The following LRRC15 variants were observed in gnomAD, a reference collection of about 807,000 sequenced individuals.
LRRC15 encodes leucine rich repeat containing 15.
A neutral mutation model predicts 4.3 loss-of-function variants in LRRC15; 5 were observed. The ratio of observed to expected loss-of-function variants is 1.16; its 90% CI spans 0.61 to 2.44. The LOEUF (loss-of-function observed/expected upper bound fraction) is 2.44, where lower values mean the gene tolerates loss of function less well. Ranked by LOEUF, LRRC15 falls within the 30% of genes most tolerant of loss-of-function variation. The pLI, the probability that LRRC15 is intolerant of heterozygous loss-of-function variation, is 0.01. For missense variants in LRRC15, 769 were observed against 747.0 expected, an observed-to-expected ratio of 1.03 and a Z score of -0.34; for synonymous variants, 337 against 323.2, an observed-to-expected ratio of 1.04 and a Z score of -0.46.
Position 194,358,334 on chromosome 3 carries a change from A to C in LRRC15, c.*964T>G, listed in dbSNP as rs1419869501. On this transcript the variant is annotated 3_prime_UTR_variant, in exon 2 of 2. Transcript: ENST00000347624. ...AAAATCCACCAAGCCATACACTATC[A>C]TGTTCCCACTTTTCTGCACGTACAC... The C allele has an allele frequency of 6.6e-6, 1 of 152,236 alleles. No individual in the cohort carries two copies. The highest frequency in any genetic ancestry group is 1.5e-5 in the Non-Finnish European group (1 of 68,050). The allele number at this position is 152,236 out of a possible 1,614,324, so 9.4% of individuals were successfully genotyped here.
Position 194,360,197 on chromosome 3 carries a change from C to T in LRRC15, c.847G>A (p.Glu283Lys), listed in dbSNP as rs747465578. 16 of 1,613,710 alleles carry T rather than the reference C, an allele frequency of 9.9e-6. No individual in the cohort carries two copies. Among genetic ancestry groups the T allele is most frequent in the Non-Finnish European group, 1.4e-5 (16 of 1,179,764 alleles). Reference protein sequence around the residue: ...RLTLFGNSLKELSPGIFGPMP... With the variant: ...RLTLFGNSLKKLSPGIFGPMP... ...GGCCCGAAGATCCCCGGAGAGAGCTCCTTCAGGGAATTCCCAAAGAGAGTA... is the reference window on the plus strand; with the variant it reads ...GGCCCGAAGATCCCCGGAGAGAGCTTCTTCAGGGAATTCCCAAAGAGAGTA... The change falls in exon 2 of 2, where the codon GAG (glutamate) becomes AAG (lysine). Residue 283 changes from glutamate (E) to lysine (K), a missense_variant. Physicochemically the swap from Glu to Lys is moderately conservative, Grantham distance 56 (BLOSUM62 1). Transcript: ENST00000347624.
intron 1 of LRRC15, chr3:194,363,494 AC>A (rs72365597): frequency 0.013 from 6,607 of 521,640 alleles, 378 homozygotes; most frequent in African/African-American, 0.12. Context: ...AACAGAATAC[AC>A]CAAAAAAAGT....
At chr3:194,366,376 T>C (rs988389224) in intron 1 of LRRC15, among the ~76,000 whole-genome samples, 1 of 152,226 alleles carries the variant, frequency 6.6e-6, no homozygotes, top group Admixed American at 6.5e-5. Context: ...ATTTTTGTTG[T>C]TGGGTAAAAA....
intron 1 of LRRC15, among the ~76,000 whole-genome samples, chr3:194,362,371 T>G (rs907838501): frequency 2.6e-5 from 4 of 152,114 alleles, no homozygotes; most frequent in African/African-American, 9.7e-5. Context: ...TGCAAATGCG[T>G]GCCTTGTTCC....
Position 194,359,812 on chromosome 3 carries a change from TGATCGAAG to T in LRRC15, c.1224_1231del (p.Phe409ProfsTer6). On this transcript the variant is annotated frameshift_variant, in exon 2 of 2. Transcript: ENST00000347624. LOFTEE classifies it low-confidence loss of function (END_TRUNC). The stretch of plus-strand genomic sequence containing the variant: ...CCGCAGCTCACACAGTTTCCCCAGG[TGATCGAAG>T]ATGCCGAGGGGCAAGTTCTCCAGCT... The T allele has an allele frequency of 1.2e-6, 2 of 1,614,060 alleles. No homozygotes were observed. Among genetic ancestry groups the T allele is most frequent in the Non-Finnish European group, 1.7e-6 (2 of 1,179,998 alleles).
chr3:194,359,175 T>C lies in LRRC15; in HGVS notation c.*123A>G. ...CAAGTCAGGAAGAGGTAGGCTCACCTTTCTCTGGGGCCAGAAAGAGCAATC... is the reference window on the plus strand; with the variant it reads ...CAAGTCAGGAAGAGGTAGGCTCACCCTTCTCTGGGGCCAGAAAGAGCAATC... On this transcript the variant is annotated 3_prime_UTR_variant, in exon 2 of 2. Coordinates refer to ENST00000347624, the MANE Select transcript of LRRC15 (RefSeq NM_130830.5). 1.1e-6 allele frequency: 1 copy of C among 942,094 alleles called. No individual in the cohort carries two copies. The highest frequency in any genetic ancestry group is 1.7e-5 in the South Asian group (1 of 57,498). The allele number at this position is 942,094 out of a possible 1,614,324, so 58.4% of individuals were successfully genotyped here. A position where few individuals can be genotyped will look rare whatever the true frequency, so the allele number is the denominator to read the frequency against.
In LRRC15 at chr3:194,359,609, G is replaced by A. The variant is rs1012015296; in HGVS notation, c.1435C>T (p.Pro479Ser). 1.5e-5 allele frequency: 25 copies of A among 1,613,712 alleles called. No homozygotes were observed. Among genetic ancestry groups the A allele is most frequent in the Non-Finnish European group, 2.1e-5 (25 of 1,179,890 alleles). ...VNVAVPSVHV[P>S]EVPSYPETPW... ...GTTTCTGGGTAACTAGGCACCTCGG[G>A]GACATGGACGCTTGGAACAGCAACG... is the stretch of plus-strand genomic sequence containing the variant. Residue 479 changes from proline to serine, a missense_variant, in exon 2 of 2, where the codon CCC becomes TCC. By Grantham distance (74) the Pro-to-Ser change is moderately conservative. Coordinates refer to ENST00000347624, the MANE Select transcript of LRRC15 (RefSeq NM_130830.5).
rs9862837 is a variant in LRRC15 at position 194,365,151 on chromosome 3, C to A, written c.-3-4105G>T. Among the ~76,000 whole-genome samples the A allele has an allele frequency of 2.3e-3, 343 of 152,284 alleles. 3 individuals are homozygous for A. Among genetic ancestry groups the A allele is most frequent in the African/African-American group, 7.7e-3 (321 of 41,566 alleles). On this transcript the variant is annotated intron_variant, in intron 1 of 1. Transcript: ENST00000347624. The stretch of plus-strand genomic sequence containing the variant: ...AATCACTTCAGTGACTCAGTCCAGC[C>A]CCTGTCCAGCTCCTGGGAAGGGGGA...
At position 194,355,736 on chromosome 3, in the gene LRRC15, T is replaced by G. The variant is rs1301170833; in HGVS notation, c.*3562A>C. ...CCGAGTTATCTCTAGCTGTCTGCTC[T>G]CTGCAAACTTCCTGAGTTTGGAAGT... On this transcript the variant is annotated 3_prime_UTR_variant, in exon 2 of 2. Coordinates refer to ENST00000347624, the MANE Select transcript of LRRC15 (RefSeq NM_130830.5). 1 of 152,236 alleles carries G rather than the reference T, an allele frequency of 6.6e-6. No homozygotes were observed. The allele number at this position is 152,236 out of a possible 1,614,324, so 9.4% of individuals were successfully genotyped here.
chr3:194,366,313 G>T (rs1230952422), intron 1 of LRRC15, among the ~76,000 whole-genome samples: 1 of 152,242 alleles, frequency 6.6e-6, no homozygotes, highest in Non-Finnish European at 1.5e-5. Context: ...TGAAGCACTT[G>T]GGTGAGTTCT....
Position 194,360,774 on chromosome 3 carries a change from C to A in LRRC15, c.270G>T (p.Ser90=). 1 of 1,614,198 alleles carries A rather than the reference C, an allele frequency of 6.2e-7. No homozygotes were observed. The highest frequency in any genetic ancestry group is 8.5e-7 in the Non-Finnish European group (1 of 1,180,032). ...TTCGGAAGGCCCCAGGCGTGATGCG[C>A]GACAGCTCATTCTTCTCAATCCTCA... is the stretch of plus-strand genomic sequence containing the variant. ...IALRIEKNEL[S]RITPGAFRNL... is the part of the protein sequence containing the mutation. Residue 90 remains serine, a synonymous_variant, in exon 2 of 2, where the codon TCG becomes TCT. Coordinates refer to ENST00000347624, the MANE Select transcript of LRRC15 (RefSeq NM_130830.5).
At chr3:194,361,771 G>A (rs1713634807) in intron 1 of LRRC15, among the ~76,000 whole-genome samples, 2 of 152,110 alleles carry the variant, frequency 1.3e-5, no homozygotes, top group Non-Finnish European at 2.9e-5. Flanking sequence ...GGCCTGCCCT[G>A]CCCAGCCCAT....
intron 1 of LRRC15, among the ~76,000 whole-genome samples, chr3:194,366,133 A>C (rs1017355373): frequency 6.6e-6 from 1 of 152,206 alleles, no homozygotes; most frequent in Admixed American, 6.5e-5. Context: ...GGCTCAGGCC[A>C]GTGGGTCTGC....
chr3:194,362,942 T>G (rs530738713), intron 1 of LRRC15, among the ~76,000 whole-genome samples: 55 of 134,366 alleles, frequency 4.1e-4, no homozygotes, highest in African/African-American at 1.7e-3. Context: ...TGATTTTGTT[T>G]TTTTTTTTTT....
rs546393027 is a variant in LRRC15 at position 194,360,297 on chromosome 3, T to C, written c.747A>G (p.Arg249=). The change falls in exon 2 of 2, where the codon AGA becomes AGG. Residue 249 remains arginine, a synonymous_variant. Transcript: ENST00000347624. ...AGATGTGGTTGTTGGACAGGTAGAG[T>C]CTCTGGAGGTTGTGGTTGTTGTGGA... ...GLFHNNHNLQ[R]LYLSNNHISQ... The C allele has an allele frequency of 2.5e-6, 4 of 1,613,480 alleles. No individual in the cohort carries two copies. Among genetic ancestry groups the C allele is most frequent in the Middle Eastern group, 1.6e-4 (1 of 6,062 alleles).
chr3:194,361,125 G>C, intron 1 of LRRC15, 79 bp from the exon 2 acceptor site: 1 of 1,259,302 alleles, frequency 7.9e-7, no homozygotes, highest in Non-Finnish European at 1.1e-6. Context: ...ATCAACTCCA[G>C]TGCCAATGCT....
At chr3:194,368,652 G>T (rs1445240422) in intron 1 of LRRC15, among the ~76,000 whole-genome samples, 1 of 152,140 alleles carries the variant, frequency 6.6e-6, no homozygotes, top group Non-Finnish European at 1.5e-5. Flanking sequence ...AGGAGAAGCT[G>T]GCACGTGGCA....
chr3:194,363,276 A>G (rs1339657201), intron 1 of LRRC15: 1 of 654,644 alleles, frequency 1.5e-6, no homozygotes, highest in Non-Finnish European at 2.8e-6. Context: ...AGCCCATGGA[A>G]GCCCTGACCT....
chr3:194,358,936 GACTA>G lies in LRRC15; in HGVS notation c.*358_*361del, dbSNP rs1196384164. On this transcript the variant is annotated 3_prime_UTR_variant, in exon 2 of 2. Transcript: ENST00000347624. Reference sequence around the variant, plus strand: ...ATTCCCACGAAGTGAGCAGGCTGTGGACTAACTGAGTCTACAGAGGCCCGGAGGG... The same window carrying G: ...ATTCCCACGAAGTGAGCAGGCTGTGGACTGAGTCTACAGAGGCCCGGAGGG... 1.4e-5 allele frequency: 3 copies of G among 209,892 alleles called. No individual in the cohort carries two copies. The highest frequency in any genetic ancestry group is 2.9e-5 in the Non-Finnish European group (3 of 103,820). The allele number at this position is 209,892 out of a possible 1,614,324, so 13.0% of individuals were successfully genotyped here.
Sources: allele counts gnomAD v4.1 joint callset (sites outside exome capture counted in the v4.1 genomes callset), GRCh38; gene constraint gnomAD v4.1.1; transcripts MANE v1.5; gene names NCBI Gene and HGNC (gene_info 2026-07-23, HGNC 2026-07-21).